The following MCM9 variants were observed in gnomAD, a reference collection of about 807,000 sequenced individuals.
MCM9 encodes minichromosome maintenance 9 homologous recombination repair factor.
In MCM9, 55 loss-of-function variants were observed where a neutral mutation model predicts 72.8. That is an observed-to-expected ratio of 0.76 (90% CI 0.61 to 0.95). MCM9 has a LOEUF of 0.95. MCM9 is among the 40% of genes least tolerant of loss of function. MCM9 has a pLI of 0.00. For synonymous variants in MCM9, 480 were observed against 503.4 expected (o/e 0.95, Z 0.62); for missense variants, 1,279 against 1,377.0 (o/e 0.93, Z 1.13).
rs755704104 is a variant in MCM9 at position 118,917,759 on chromosome 6, C to T, written c.706G>A (p.Asp236Asn). The T allele has an allele frequency of 3.7e-6, 6 of 1,613,936 alleles. No individual in the cohort carries two copies. In the African/African-American group the frequency reaches 6.7e-5, roughly 18 times the overall value. Residue 236 changes from aspartate to asparagine, a missense_variant and splice_region_variant, in exon 6 of 14, where the codon GAT becomes AAT. Transcript: ENST00000619706. Reference sequence around the variant, plus strand: ...ACAATCCCGTAAATAGTGAGGTCATCACCTAGGAAAAAGCATCAAGTGAGT... The same window carrying T: ...ACAATCCCGTAAATAGTGAGGTCATTACCTAGGAAAAAGCATCAAGTGAGT... Reference protein sequence around the residue: ...DDLVDSCKSGDDLTIYGIVMQ... With the variant: ...DDLVDSCKSGNDLTIYGIVMQ...
intron 8 of MCM9, chr6:118,894,117 C>T (rs896534092): frequency 3.1e-5 from 36 of 1,173,976 alleles, no homozygotes; most frequent in East Asian, 4.7e-5. Context: ...GCCCATCTTG[C>T]TGGCTGCCGA....
chr6:118,895,244 C>T (rs993671477), intron 8 of MCM9, among the ~76,000 whole-genome samples: 1 of 152,100 alleles, frequency 6.6e-6, no homozygotes, highest in East Asian at 1.9e-4. Flanking sequence ...GGGTCCTGTT[C>T]GGCCGGTCCT....
In MCM9 at chr6:118,837,636, C is replaced by CT. The variant is rs549649035; in HGVS notation, c.1326-8387dup. On this transcript the variant is annotated intron_variant, in intron 9 of 13. Coordinates refer to ENST00000619706, the MANE Select transcript of MCM9 (RefSeq NM_017696.3). ...ACCATTATGTAGTACCCTTCTTTGC[C>CT]TTTTTTTATCTTAGTTGGTTTAAAG... 6.7e-3 allele frequency among the ~76,000 whole-genome samples: 1,021 copies of CT among 152,168 alleles called. 7 individuals are homozygous for CT. Among genetic ancestry groups the CT allele is most frequent in the African/African-American group, 0.023 (955 of 41,538 alleles).
intron 8 of MCM9, among the ~76,000 whole-genome samples, chr6:118,866,022 A>C (rs559471722): frequency 6.4e-4 from 98 of 152,364 alleles, no homozygotes; most frequent in African/African-American, 2.4e-3. Flanking sequence ...AGATGGAAGT[A>C]ATTGAAACAC....
chr6:118,828,883 G>A, intron 10 of MCM9, 165 bp downstream of exon 10: 1 of 639,782 alleles, frequency 1.6e-6, no homozygotes, highest in South Asian at 2.1e-5. Context: ...AGTATTCTGA[G>A]GCCCCGTAAG....
At chr6:118,901,002 C>T in intron 8 of MCM9, 1 of 693,294 alleles carries the variant, frequency 1.4e-6, no homozygotes, top group Admixed American at 2.6e-5. Flanking sequence ...GCTGCATTCA[C>T]TTTAAATCTG....
intron 9 of MCM9, among the ~76,000 whole-genome samples, chr6:118,839,399 T>C (rs1775197407): frequency 6.6e-6 from 1 of 152,146 alleles, no homozygotes; most frequent in South Asian, 2.1e-4. Context: ...GAGTTTGTTA[T>C]TTCCCACATT....
At chr6:118,925,034 A>G (rs1044027444) in intron 3 of MCM9, among the ~76,000 whole-genome samples, 2 of 151,222 alleles carry the variant, frequency 1.3e-5, no homozygotes, top group African/African-American at 4.9e-5. Flanking sequence ...ACAGAGGAAG[A>G]CCCTGTCCAA....
At chr6:118,867,613 G>A (rs1777298807) in intron 8 of MCM9, among the ~76,000 whole-genome samples, 1 of 152,082 alleles carries the variant, frequency 6.6e-6, no homozygotes, top group African/African-American at 2.4e-5. Flanking sequence ...ACTGCCTATA[G>A]TATTCCATAC....
In MCM9 at chr6:118,829,138, A is replaced by C. The variant is rs1774364137; in HGVS notation, c.1438T>G (p.Leu480Val). 1 of 1,550,594 alleles carries C rather than the reference A, an allele frequency of 6.4e-7. No individual in the cohort carries two copies. The highest frequency in any genetic ancestry group is 1.4e-5 in the African/African-American group (1 of 73,152). Residue 480 changes from leucine (L) to valine (V), a missense_variant, in exon 10 of 14, where the codon TTA (leucine) becomes GTA (valine). Leu to Val is a conservative substitution (Grantham distance 32). Transcript: ENST00000619706. ...SVNIALGSPL[L>V]SRFDLILVLL... ...ACCAGGATCAGGTCAAATCGACTTA[A>C]GAGTGGGCTGCCGAGGGCAATGTTC...
At chr6:118,890,571 G>GT (rs1389648638) in intron 8 of MCM9, among the ~76,000 whole-genome samples, 6 of 152,036 alleles carry the variant, frequency 3.9e-5, no homozygotes, top group Non-Finnish European at 7.4e-5. Context: ...GTCTTTGTAT[G>GT]TCTTATCTTT....
intron 4 of MCM9, 36 bp downstream of exon 4, chr6:118,923,775 T>C (rs1781633522): frequency 6.3e-7 from 1 of 1,586,348 alleles, no homozygotes; most frequent in Non-Finnish European, 8.6e-7. Flanking sequence ...AAAACACTTC[T>C]TCAAATTTAT....
intron 8 of MCM9, among the ~76,000 whole-genome samples, chr6:118,882,897 T>A (rs1778381481): frequency 6.6e-6 from 1 of 151,968 alleles, no homozygotes; most frequent in African/African-American, 2.4e-5. Context: ...ATACATTAAA[T>A]TAAAATATCC....
intron 8 of MCM9, among the ~76,000 whole-genome samples, chr6:118,884,718 A>C (rs1472823726): frequency 2.0e-5 from 3 of 152,214 alleles, no homozygotes; most frequent in Non-Finnish European, 4.4e-5. Flanking sequence ...GGTTGAAAGT[A>C]AAAGGATGGA....
intron 13 of MCM9, among the ~76,000 whole-genome samples, chr6:118,825,291 T>G (rs1380297974): frequency 6.6e-6 from 1 of 152,192 alleles, no homozygotes; most frequent in Non-Finnish European, 1.5e-5. Context: ...AAGTGCAAGT[T>G]TACTGCAGTC....
intron 8 of MCM9, among the ~76,000 whole-genome samples, chr6:118,875,492 C>T (rs1440258815): frequency 6.6e-6 from 1 of 151,650 alleles, no homozygotes; most frequent in Non-Finnish European, 1.5e-5. Flanking sequence ...CAAAACTAGC[C>T]AGGCATGGTG....
chr6:118,905,802 C>T, intron 8 of MCM9: 1 of 1,606,630 alleles, frequency 6.2e-7, no homozygotes, highest in Non-Finnish European at 8.5e-7. Flanking sequence ...AAGGGAAAAT[C>T]CACCAGTAAA....
intron 9 of MCM9, among the ~76,000 whole-genome samples, chr6:118,833,428 C>A (rs1774731311): frequency 6.6e-6 from 1 of 152,114 alleles, no homozygotes; most frequent in African/African-American, 2.4e-5. Context: ...AGCATGAAAT[C>A]TGCTTTAGAT....
intron 9 of MCM9, among the ~76,000 whole-genome samples, chr6:118,847,702 G>C (rs1303715826): frequency 6.6e-6 from 1 of 151,580 alleles, no homozygotes; most frequent in Non-Finnish European, 1.5e-5. Context: ...AATTTCCAGG[G>C]ATAAAAGAAT....
Sources: allele counts gnomAD v4.1 joint callset (sites outside exome capture counted in the v4.1 genomes callset), GRCh38; gene constraint gnomAD v4.1.1; transcripts MANE v1.5; gene names NCBI Gene and HGNC (gene_info 2026-07-23, HGNC 2026-07-21).